Variants in SEM1 observed in about 807,000 individuals in gnomAD.
The protein encoded by SEM1 is 26S proteasome complex subunit SEM1.
In SEM1, 3 loss-of-function variants were observed where a neutral mutation model predicts 12.7. The ratio of observed to expected loss-of-function variants is 0.24; its 90% CI spans 0.11 to 0.61. The LOEUF is 0.61. Ranked by LOEUF, SEM1 falls within the 20% of genes least tolerant of loss-of-function variation. The probability of loss-of-function intolerance (pLI) is 0.88; values close to 1 mark genes in which losing one functional copy is unlikely to be tolerated. For synonymous variants in SEM1, 30 were observed against 27.8 expected (o/e 1.08, Z -0.25); for missense variants, 59 against 81.3 (o/e 0.73, Z 1.06).
chr7:96,667,349 C>T (rs1789197455), intron 2 of SEM1, among the ~76,000 whole-genome samples: 1 of 152,096 alleles, frequency 6.6e-6, no homozygotes, highest in Non-Finnish European at 1.5e-5. Flanking sequence ...GCCAACTATT[C>T]CCTGGGTAAC....
intron 1 of SEM1, among the ~76,000 whole-genome samples, chr7:96,491,597 A>C (rs1245026578): frequency 6.6e-6 from 1 of 152,184 alleles, no homozygotes; most frequent in Non-Finnish European, 1.5e-5. Flanking sequence ...CAGGAAGGGA[A>C]GCTGTCAGTC....
intron 2 of SEM1, among the ~76,000 whole-genome samples, chr7:96,666,030 T>TG (rs1041984955): frequency 9.2e-5 from 14 of 152,100 alleles, no homozygotes; most frequent in Non-Finnish European, 2.1e-4. Context: ...CACTAGCAAG[T>TG]GGGAAAAAAG....
chr7:96,683,797 G>A (rs551607810), downstream of SEM1, among the ~76,000 whole-genome samples: 16 of 152,172 alleles, frequency 1.1e-4, no homozygotes, highest in African/African-American at 2.7e-4. Flanking sequence ...ACCAAACACC[G>A]CATGTTTTCA....
chr7:96,654,455 T>C (rs1391664490), intron 2 of SEM1, among the ~76,000 whole-genome samples: 2 of 152,210 alleles, frequency 1.3e-5, no homozygotes, highest in Non-Finnish European at 2.9e-5. Flanking sequence ...TAGGCATTCA[T>C]AGAAACCATA....
chr7:96,666,392 TCTCA>T (rs1789173137), intron 2 of SEM1, among the ~76,000 whole-genome samples: 1 of 152,100 alleles, frequency 6.6e-6, no homozygotes, highest in Non-Finnish European at 1.5e-5. Flanking sequence ...CTAACCTCTC[TCTCA>T]ATTTCCACAT....
At chr7:96,664,112 T>C (rs1789095822) in intron 2 of SEM1, 1 of 152,194 alleles carries the variant, frequency 6.6e-6, no homozygotes, top group South Asian at 2.1e-4. Context: ...GTAATTCCAC[T>C]CTTAGTTATA....
At chr7:96,505,882 G>A (rs1184242305) in intron 3 of SEM1, among the ~76,000 whole-genome samples, 4 of 152,128 alleles carry the variant, frequency 2.6e-5, no homozygotes, top group African/African-American at 9.7e-5. Flanking sequence ...CACAAACATT[G>A]AGACCATAGC....
intron 2 of SEM1, among the ~76,000 whole-genome samples, chr7:96,615,659 T>C (rs1807696234): frequency 6.6e-6 from 1 of 152,244 alleles, no homozygotes; most frequent in Non-Finnish European, 1.5e-5. Flanking sequence ...TATTGCGTAG[T>C]AGAGAAGCCT....
chr7:96,603,172 GAGC>G lies in SEM1; in HGVS notation c.170+91623_170+91625del, dbSNP rs1448798267. Among the ~76,000 whole-genome samples, 12 of 152,268 alleles carry G rather than the reference GAGC, an allele frequency of 7.9e-5. No individual in the cohort carries two copies. The East Asian group carries it at 2.3e-3, about 29-fold the overall frequency. On this transcript the variant is annotated intron_variant and NMD_transcript_variant, in intron 2 of 3. Coordinates refer to the SEM1 transcript ENST00000466986. ...GCAATATGCTGGGCTGCCTGGCTTTGAGCAAGGCATATTTTTCTCATTTGGGAT... is the reference window on the plus strand; with the variant it reads ...GCAATATGCTGGGCTGCCTGGCTTTGAAGGCATATTTTTCTCATTTGGGAT...
At chr7:96,539,659 T>A (rs1804889952) in intron 2 of SEM1, among the ~76,000 whole-genome samples, 1 of 151,692 alleles carries the variant, frequency 6.6e-6, no homozygotes, top group Admixed American at 6.6e-5. Context: ...AAATAATGTG[T>A]TGAAAAGGAT....
At position 96,640,075 on chromosome 7, in the gene SEM1, G is replaced by A. The variant is rs765425154; in HGVS notation, c.171-17432C>T. 2.2e-4 allele frequency among the ~76,000 whole-genome samples: 33 copies of A among 151,968 alleles called. No individual in the cohort carries two copies. The highest frequency in any genetic ancestry group is 3.2e-3 in the Middle Eastern group (1 of 316). On this transcript the variant is annotated intron_variant, in intron 2 of 2. Coordinates refer to the SEM1 transcript ENST00000417009. This position sits in a 1 kb window ranked among gnomAD's most constrained non-coding sequence, Gnocchi z 4.0. ...AGAACACTGACAATACTAAATGCTG[G>A]TGAGGATGTAGAGCAACAGGAATTA...
intron 2 of SEM1, among the ~76,000 whole-genome samples, chr7:96,584,260 G>T (rs1806529448): frequency 6.6e-6 from 1 of 152,112 alleles, no homozygotes; most frequent in Non-Finnish European, 1.5e-5. Context: ...ATTCTGGGTT[G>T]AAAATTCTTT....
chr7:96,536,783 A>G (rs1584745864), intron 2 of SEM1, among the ~76,000 whole-genome samples: 1 of 151,500 alleles, frequency 6.6e-6, no homozygotes, highest in Non-Finnish European at 1.5e-5. Context: ...CTCCATCTCT[A>G]TATTTTTAAC....
In SEM1 at chr7:96,627,595, T is replaced by C. The variant is rs558937564; in HGVS notation, c.171-4952A>G. On this transcript the variant is annotated intron_variant, in intron 2 of 2. Transcript: ENST00000417009. Reference sequence around the variant, plus strand: ...ATGGTTTCCAAAATTTCTGTTGTTATTGATTTTCAGTTTTATTCCATTGTG... The same window carrying C: ...ATGGTTTCCAAAATTTCTGTTGTTACTGATTTTCAGTTTTATTCCATTGTG... 1.2e-4 allele frequency among the ~76,000 whole-genome samples: 19 copies of C among 152,300 alleles called. No individual in the cohort carries two copies. In the East Asian group the frequency reaches 3.1e-3, roughly 25 times the overall value.
chr7:96,502,896 G>T (rs1803616987), intron 3 of SEM1, among the ~76,000 whole-genome samples: 1 of 152,178 alleles, frequency 6.6e-6, no homozygotes, highest in Non-Finnish European at 1.5e-5. Context: ...TCTATAATAG[G>T]TGATTAATTC....
At chr7:96,584,169 A>G (rs1157727555) in intron 2 of SEM1, among the ~76,000 whole-genome samples, 2 of 152,118 alleles carry the variant, frequency 1.3e-5, no homozygotes, top group African/African-American at 4.8e-5. Context: ...CCTGGTGGTG[A>G]CAAAATCTGT....
chr7:96,620,464 T>C (rs1003889542), downstream of SEM1, among the ~76,000 whole-genome samples: 8 of 152,184 alleles, frequency 5.3e-5, no homozygotes, highest in Admixed American at 5.2e-4. Flanking sequence ...GTACCCTTTC[T>C]GGAGCAATGT....
At chr7:96,524,049 G>A (rs1019175740) in intron 2 of SEM1, among the ~76,000 whole-genome samples, 6 of 152,040 alleles carry the variant, frequency 3.9e-5, no homozygotes, top group African/African-American at 1.2e-4. Flanking sequence ...TTTCTGGTTA[G>A]CCTATTAAAC....
In SEM1 at chr7:96,594,585, T is replaced by C. The variant is rs535213089; in HGVS notation, c.171-87887A>G. 1.6e-4 allele frequency among the ~76,000 whole-genome samples: 24 copies of C among 152,360 alleles called. 2 individuals carry two copies. In the South Asian group the frequency reaches 4.6e-3, roughly 29 times the overall value. On this transcript the variant is annotated intron_variant and NMD_transcript_variant, in intron 2 of 3. Coordinates refer to the SEM1 transcript ENST00000466986. ...TAACTCTAATGAAGCTTAAGCTTCA[T>C]GGTCTCTTGCTTGCATGGGCACCTT...
Sources: gnomAD v4.1 joint callset for allele counts (sites outside exome capture counted in the v4.1 genomes callset) on GRCh38, gnomAD v4.1.1 for gene constraint, Gnocchi (gnomAD v3.1) non-coding constraint, MANE v1.5 for transcripts, NCBI Gene and HGNC (gene_info 2026-07-23, HGNC 2026-07-21) for gene names.